Variants in EPHA6 observed in about 807,000 individuals in gnomAD.
The protein encoded by EPHA6 is EPH receptor A6.
EPHA6 carries 50 observed loss-of-function variants against 112.0 expected under a neutral mutation model. That is an observed-to-expected ratio of 0.45 (90% CI 0.36 to 0.56). The LOEUF (loss-of-function observed/expected upper bound fraction) is 0.56. Ranked by LOEUF, EPHA6 falls within the 20% of genes least tolerant of loss-of-function variation. The pLI, the probability that EPHA6 is intolerant of heterozygous loss-of-function variation, is 0.00. For synonymous variants in EPHA6, 529 were observed against 490.7 expected, an observed-to-expected ratio of 1.08 and a Z score of -1.03; for missense variants, 1,280 against 1,417.4, an observed-to-expected ratio of 0.90 and a Z score of 1.56.
intron 13 of EPHA6, among the ~76,000 whole-genome samples, chr3:97,622,482 T>G (rs1387875207): frequency 1.3e-5 from 2 of 151,836 alleles, no homozygotes; most frequent in African/African-American, 2.4e-5. Flanking sequence ...CACATTTTGC[T>G]TATCCATTCA....
intron 2 of EPHA6, among the ~76,000 whole-genome samples, chr3:96,898,090 T>C (rs760612540): frequency 1.5e-4 from 23 of 152,234 alleles, no homozygotes; most frequent in Non-Finnish European, 2.6e-4. Context: ...TTGTTGAAGT[T>C]GTCTGTTTTG....
At chr3:97,480,881 T>C (rs7640646) in intron 9 of EPHA6, among the ~76,000 whole-genome samples, 29,060 of 149,838 alleles carry the variant, frequency 0.19, 4,194 homozygotes, top group African/African-American at 0.39. Flanking sequence ...CCAGACGGGG[T>C]GGCAGAGCAG....
chr3:96,931,420 C>T (rs984075282), intron 2 of EPHA6, among the ~76,000 whole-genome samples: 2 of 152,030 alleles, frequency 1.3e-5, no homozygotes, highest in Non-Finnish European at 2.9e-5. Flanking sequence ...GGTGGCCTCA[C>T]CTCCCCCCAG....
chr3:97,709,040 G>A (rs375828745), intron 14 of EPHA6, among the ~76,000 whole-genome samples: 1 of 152,090 alleles, frequency 6.6e-6, no homozygotes, highest in African/African-American at 2.4e-5. Context: ...GGGAAAATGT[G>A]GGGTTGGAGC....
chr3:97,192,196 G>T (rs564676911), intron 3 of EPHA6, among the ~76,000 whole-genome samples: 1 of 152,158 alleles, frequency 6.6e-6, no homozygotes, highest in South Asian at 2.1e-4. Context: ...GAGTGCAGTG[G>T]CATGATCTCA....
At chr3:97,329,567 G>A (rs1168514505) in intron 5 of EPHA6, among the ~76,000 whole-genome samples, 2 of 151,894 alleles carry the variant, frequency 1.3e-5, no homozygotes, top group Non-Finnish European at 2.9e-5. Flanking sequence ...CTGATGGCCA[G>A]TGATGATGAG....
intron 5 of EPHA6, among the ~76,000 whole-genome samples, chr3:97,271,803 TTTTA>T (rs1464818532): frequency 1.3e-5 from 2 of 152,204 alleles, no homozygotes; most frequent in African/African-American, 2.4e-5. Context: ...GCCACTTCCT[TTTTA>T]TTTTTTATTG....
intron 14 of EPHA6, among the ~76,000 whole-genome samples, chr3:97,670,917 A>G (rs1401433370): frequency 6.6e-6 from 1 of 152,170 alleles, no homozygotes; most frequent in Non-Finnish European, 1.5e-5. Flanking sequence ...ACAAAGGAGA[A>G]TTTCACTCAT....
At chr3:97,572,324 G>T (rs1185767003) in intron 11 of EPHA6, among the ~76,000 whole-genome samples, 1 of 151,696 alleles carries the variant, frequency 6.6e-6, no homozygotes. Context: ...CTAATTTTTT[G>T]TATTTTTAGT....
intron 6 of EPHA6, among the ~76,000 whole-genome samples, chr3:97,412,859 A>C (rs2087826851): frequency 6.6e-6 from 1 of 152,012 alleles, no homozygotes. Flanking sequence ...AAAATAATAC[A>C]ATGTGGGATA....
At chr3:96,977,271 A>AGACAAATAC (rs1370989081) in intron 2 of EPHA6, among the ~76,000 whole-genome samples, 1 of 150,370 alleles carries the variant, frequency 6.7e-6, no homozygotes, top group Non-Finnish European at 1.5e-5. Context: ...ACACATAGAA[A>AGACAAATAC]GACAAATACT....
At chr3:97,131,917 A>G (rs2075638333) in intron 3 of EPHA6, among the ~76,000 whole-genome samples, 1 of 152,130 alleles carries the variant, frequency 6.6e-6, no homozygotes, top group South Asian at 2.1e-4. Context: ...ATGACCTGCC[A>G]TGTTAAAAGC....
chr3:97,009,038 A>G (rs2043986755), intron 3 of EPHA6, among the ~76,000 whole-genome samples: 2 of 151,972 alleles, frequency 1.3e-5, no homozygotes, highest in Non-Finnish European at 2.9e-5. Context: ...AAGGTCACCA[A>G]CCTGATATCA....
chr3:97,676,697 T>C (rs1284260667), intron 14 of EPHA6, among the ~76,000 whole-genome samples: 1 of 152,190 alleles, frequency 6.6e-6, no homozygotes, highest in Non-Finnish European at 1.5e-5. Context: ...TGGAGCATAG[T>C]GCACAGTTGG....
At chr3:97,566,908 C>T (rs545568029) in intron 11 of EPHA6, among the ~76,000 whole-genome samples, 147 of 152,256 alleles carry the variant, frequency 9.7e-4, no homozygotes, top group African/African-American at 3.3e-3. Context: ...CCTTATTGGC[C>T]TGGCATGTCA....
intron 14 of EPHA6, among the ~76,000 whole-genome samples, chr3:97,663,053 C>A (rs2094180352): frequency 6.6e-6 from 1 of 152,082 alleles, no homozygotes; most frequent in African/African-American, 2.4e-5. Flanking sequence ...AGGCTTTAGC[C>A]CTCTTGCCTC....
intron 14 of EPHA6, among the ~76,000 whole-genome samples, chr3:97,641,918 C>G (rs1461623437): frequency 6.6e-5 from 10 of 151,108 alleles, no homozygotes; most frequent in East Asian, 2.0e-4. Context: ...CCAGGAAGCT[C>G]GAACTGGGTG....
chr3:97,350,545 T>C (rs1033844409), intron 5 of EPHA6, among the ~76,000 whole-genome samples: 2 of 152,162 alleles, frequency 1.3e-5, no homozygotes, highest in African/African-American at 4.8e-5. Context: ...ATGAAAATAG[T>C]ATTTTGTGTA....
chr3:96,986,045 GCCTA>G (rs778058812), intron 2 of EPHA6, among the ~76,000 whole-genome samples: 2 of 152,052 alleles, frequency 1.3e-5, no homozygotes, highest in Non-Finnish European at 2.9e-5. Flanking sequence ...AAACTATGAT[GCCTA>G]GCATGTTTTC....
Sources: gnomAD v4.1 joint callset for allele counts (sites outside exome capture counted in the v4.1 genomes callset) on GRCh38, gnomAD v4.1.1 for gene constraint, MANE v1.5 for transcripts, NCBI Gene and HGNC (gene_info 2026-07-23, HGNC 2026-07-21) for gene names.